DAZAP1: variants seen among roughly 807,000 people sequenced by gnomAD.
DAZAP1 encodes the protein DAZ-associated protein 1.
Under a neutral mutation model 60.1 loss-of-function variants are expected in DAZAP1, and 6 were observed. The observed-to-expected ratio is 0.10, with a 90% confidence interval of 0.05 to 0.20. The LOEUF is 0.20. Ranked by LOEUF, DAZAP1 falls within the 10% of genes least tolerant of loss-of-function variation. DAZAP1 has a pLI of 1.00. For synonymous variants in DAZAP1, 235 were observed against 215.9 expected, an observed-to-expected ratio of 1.09 and a Z score of -0.78; for missense variants, 366 against 560.4, an observed-to-expected ratio of 0.65 and a Z score of 3.50.
At chr19:1,431,291 G>A (rs1199891760) in intron 10 of DAZAP1, among the ~76,000 whole-genome samples, 1 of 150,696 alleles carries the variant, frequency 6.6e-6, no homozygotes, top group Non-Finnish European at 1.5e-5. Context: ...ACCACGCCTG[G>A]CTAATTTTTT....
Position 1,422,461 on chromosome 19 carries a change from C to T in DAZAP1, c.463+65C>T. 3.3e-6 allele frequency: 5 copies of T among 1,495,790 alleles called. No homozygotes were observed. In the South Asian group the frequency reaches 4.5e-5, roughly 14 times the overall value. 92.7% of individuals were successfully genotyped at this position (1,495,790 alleles called of 1,614,324 possible). On this transcript the variant is annotated intron_variant, in intron 6 of 11. Transcript: ENST00000233078. This position sits in a 1 kb window ranked among gnomAD's most constrained non-coding sequence, Gnocchi z 4.5. ...TCCTCCCTCAGATGGCAAACTATCT[C>T]ACCCGCCAGGCACACACAGGTGGCG...
At position 1,428,935 on chromosome 19, in the gene DAZAP1, G is replaced by A. The variant is rs764326962; in HGVS notation, c.640G>A (p.Ala214Thr). 2.4e-5 allele frequency: 38 copies of A among 1,611,946 alleles called. No individual in the cohort carries two copies. Among genetic ancestry groups the A allele is most frequent in the Admixed American group, 5.0e-5 (3 of 59,842 alleles). ...SQWGSRVVPN[A>T]ANGWAGQPPP... is the part of the protein sequence containing the mutation. ...GTGGGGGAGCCGGGTTGTGCCCAAC[G>A]CTGCCAATGGCTGGGCAGGCCAGCC... Residue 214 changes from alanine to threonine, a missense_variant, in exon 8 of 12, where the codon GCT becomes ACT. Ala to Thr is a moderately conservative substitution (Grantham distance 58). Coordinates refer to ENST00000233078, the MANE Select transcript of DAZAP1 (RefSeq NM_018959.4). This position sits in a 1 kb window ranked among gnomAD's most constrained non-coding sequence, Gnocchi z 4.0.
Position 1,407,607 on chromosome 19 carries a change from A to C in DAZAP1, c.-167A>C. On this transcript the variant is annotated 5_prime_UTR_variant, in exon 1 of 12. Transcript: ENST00000233078. ...GGACGCGCGGTGACCGTTGGCGCCG[A>C]GGGGAGGAGGCAGCCGCCGCCGCCG... The C allele has an allele frequency of 2.2e-5, 7 of 314,482 alleles. No homozygotes were observed. Among genetic ancestry groups the C allele is most frequent in the African/African-American group, 5.3e-5 (2 of 37,944 alleles). The allele number at this position is 314,482 out of a possible 1,614,324, so 19.5% of individuals were successfully genotyped here. A position where few individuals can be genotyped will look rare whatever the true frequency, so the allele number is the denominator to read the frequency against.
chr19:1,421,109 G>A, intron 4 of DAZAP1, 39 bp from the exon 5 acceptor site: 1 of 1,596,890 alleles, frequency 6.3e-7, no homozygotes, highest in Non-Finnish European at 8.6e-7. Context: ...GGTTTGGAGG[G>A]TTCCCGTGTG....
intron 1 of DAZAP1, among the ~76,000 whole-genome samples, chr19:1,411,774 C>G (rs557766883): frequency 6.6e-6 from 1 of 152,216 alleles, no homozygotes; most frequent in Non-Finnish European, 1.5e-5. Flanking sequence ...GTGGAAGATC[C>G]GGAGCTGGGA....
At chr19:1,419,019 G>A (rs1050704452) in intron 4 of DAZAP1, among the ~76,000 whole-genome samples, 33 of 151,388 alleles carry the variant, frequency 2.2e-4, no homozygotes, top group Non-Finnish European at 3.7e-4. Context: ...CCTCTGTGCC[G>A]GGCCTGCCCC....
intron 7 of DAZAP1, chr19:1,427,919 C>T (rs1004124049): frequency 4.6e-5 from 7 of 152,194 alleles, no homozygotes; most frequent in African/African-American, 1.4e-4. Context: ...ATTCTCATTA[C>T]GATTTATCAG....
chr19:1,434,050 GGTC>G lies in DAZAP1; in HGVS notation c.1049-684_1049-682del. ...ACGTGCACCCGAATGGGAACCCAGA[GGTC>G]GTGGGAGGGGCTTCCTGCAAGGTGT... On this transcript the variant is annotated intron_variant, in intron 11 of 11. Transcript: ENST00000233078. The surrounding 1 kb of genome is among the most constrained non-coding windows in gnomAD (Gnocchi z 8.0). The G allele has an allele frequency of 3.5e-6, 2 of 574,946 alleles. No individual in the cohort carries two copies. The highest frequency in any genetic ancestry group is 3.1e-5 in the Admixed American group (1 of 32,500). 35.6% of individuals were successfully genotyped at this position (574,946 alleles called of 1,614,324 possible).
chr19:1,425,536 C>A lies in DAZAP1; in HGVS notation c.464-342C>A, dbSNP rs2083286089. 6.6e-6 allele frequency among the ~76,000 whole-genome samples: 1 copy of A among 152,252 alleles called. No individual in the cohort carries two copies. The highest frequency in any genetic ancestry group is 1.5e-5 in the Non-Finnish European group (1 of 68,038). On this transcript the variant is annotated intron_variant, in intron 6 of 11. Coordinates refer to ENST00000233078, the MANE Select transcript of DAZAP1 (RefSeq NM_018959.4). The surrounding 1 kb of genome is among the most constrained non-coding windows in gnomAD (Gnocchi z 5.4). ...GTCTGCCAGTAGCGATGGAGGCCCT[C>A]ACCGTTCCCCTGTCTCCGCTGCTGT... is the stretch of plus-strand genomic sequence containing the variant.
chr19:1,419,776 C>T (rs1263149533), intron 4 of DAZAP1, among the ~76,000 whole-genome samples: 1 of 151,558 alleles, frequency 6.6e-6, no homozygotes, highest in Non-Finnish European at 1.5e-5. Flanking sequence ...AGCGAGCACT[C>T]ACCCCACGCA....
chr19:1,408,189 C>A (rs2082720025), intron 1 of DAZAP1, among the ~76,000 whole-genome samples: 1 of 151,766 alleles, frequency 6.6e-6, no homozygotes, highest in Non-Finnish European at 1.5e-5. Context: ...CGAATGGGAG[C>A]CAGAGGGGTT....
chr19:1,411,348 C>T (rs1483818340), intron 1 of DAZAP1, among the ~76,000 whole-genome samples: 3 of 152,232 alleles, frequency 2.0e-5, no homozygotes. Flanking sequence ...TACCCCCAGT[C>T]GTGACAACCA....
Position 1,418,125 on chromosome 19 carries a change from G to A in DAZAP1, c.71-79G>A. ...CGTGGCTGGTGGACTGGAGGAGTGT[G>A]CGTGCCGGCAGCACTGCCAGGCACG... On this transcript the variant is annotated intron_variant, in intron 2 of 11. Coordinates refer to ENST00000233078, the MANE Select transcript of DAZAP1 (RefSeq NM_018959.4). This position sits in a 1 kb window ranked among gnomAD's most constrained non-coding sequence, Gnocchi z 5.7. 1 of 1,465,378 alleles carries A rather than the reference G, an allele frequency of 6.8e-7. No homozygotes were observed. The highest frequency in any genetic ancestry group is 9.5e-7 in the Non-Finnish European group (1 of 1,056,640). 90.8% of individuals were successfully genotyped at this position (1,465,378 alleles called of 1,614,324 possible). A position where few individuals can be genotyped will look rare whatever the true frequency, so the allele number is the denominator to read the frequency against.
chr19:1,428,823 C>T lies in DAZAP1; in HGVS notation c.547-19C>T. 1.9e-6 allele frequency: 3 copies of T among 1,612,306 alleles called. No individual in the cohort carries two copies. ...TGGGACCCGCAGCCTCGCCCTAAAC[C>T]AGAGCTCGGTTTGTTTAGGTGGAAG... On this transcript the variant is annotated intron_variant, in intron 7 of 11. Coordinates refer to ENST00000233078, the MANE Select transcript of DAZAP1 (RefSeq NM_018959.4). This position sits in a 1 kb window ranked among gnomAD's most constrained non-coding sequence, Gnocchi z 4.0.
chr19:1,412,846 G>A (rs559920622), intron 1 of DAZAP1, among the ~76,000 whole-genome samples: 7 of 152,352 alleles, frequency 4.6e-5, no homozygotes, highest in African/African-American at 1.7e-4. Context: ...CAGATCCTGG[G>A]AGATGTTCAT....
In DAZAP1 at chr19:1,433,331, G is replaced by A; in HGVS notation, c.1048+641G>A. ...AGCAGCCTTGCTCAGGACCAACGCG[G>A]TGGCCTCAGTGGGCAGGGCTCCAAC... On this transcript the variant is annotated intron_variant, in intron 11 of 11. Coordinates refer to ENST00000233078, the MANE Select transcript of DAZAP1 (RefSeq NM_018959.4). The surrounding 1 kb of genome is among the most constrained non-coding windows in gnomAD (Gnocchi z 6.1). 4.0e-6 allele frequency: 1 copy of A among 250,968 alleles called. No homozygotes were observed. Among genetic ancestry groups the A allele is most frequent in the Non-Finnish European group, 7.9e-6 (1 of 125,888 alleles). The allele number at this position is 250,968 out of a possible 1,614,324, so 15.5% of individuals were successfully genotyped here.
chr19:1,417,421 G>A (rs574472408), intron 1 of DAZAP1, 79 bp from the exon 2 acceptor site: 13 of 1,490,562 alleles, frequency 8.7e-6, no homozygotes, highest in Non-Finnish European at 1.0e-5. Context: ...TTTGAATTAA[G>A]ACCTCAGCTT....
chr19:1,419,035 A>G (rs1002656605), intron 4 of DAZAP1, among the ~76,000 whole-genome samples: 1 of 148,848 alleles, frequency 6.7e-6, no homozygotes, highest in Non-Finnish European at 1.5e-5. Flanking sequence ...GCCCCCTCCC[A>G]CTGCCTGGCC....
intron 1 of DAZAP1, among the ~76,000 whole-genome samples, chr19:1,409,208 G>T (rs184760466): frequency 6.6e-6 from 1 of 152,360 alleles, no homozygotes. Flanking sequence ...GACATTGCAG[G>T]GATGGGCCTG....
Sources: allele counts gnomAD v4.1 joint callset (sites outside exome capture counted in the v4.1 genomes callset), GRCh38; gene constraint gnomAD v4.1.1; non-coding constraint Gnocchi (gnomAD v3.1); transcripts MANE v1.5; gene names NCBI Gene and HGNC (gene_info 2026-07-23, HGNC 2026-07-21).